GLI3: variants seen among roughly 807,000 people sequenced by gnomAD.
The protein encoded by GLI3 is transcription activator GLI3.
In GLI3, 20 loss-of-function variants were observed where a neutral mutation model predicts 100.8. That is an observed-to-expected ratio of 0.20 (90% CI 0.14 to 0.29). The LOEUF is 0.29. Among genes scored for constraint, GLI3 ranks in the 10% least tolerant of loss-of-function variants. The pLI, the probability that GLI3 is intolerant of heterozygous loss-of-function variation, is 1.00. For synonymous variants in GLI3, 938 were observed against 860.5 expected (o/e 1.09, Z -1.58); for missense variants, 2,040 against 2,128.5 (o/e 0.96, Z 0.82).
At chr7:42,220,848 A>C (rs966022046) in intron 2 of GLI3, among the ~76,000 whole-genome samples, 1 of 152,252 alleles carries the variant, frequency 6.6e-6, no homozygotes, top group African/African-American at 2.4e-5. Flanking sequence ...AAAATATAAA[A>C]CAGTAAATCT....
rs556170761 is a variant in GLI3, at chr7:42,058,839, TGTGCCAAA to T, written c.474-10151_474-10144del. ...TTCCAGGAAAGACTGCAAAGAACAA[TGTGCCAAA>T]TTTGTCTCTACTCTGTACTGTAAAT... On this transcript the variant is annotated intron_variant, in intron 4 of 14. Coordinates refer to ENST00000395925, the MANE Select transcript of GLI3 (RefSeq NM_000168.6). 1.2e-4 allele frequency among the ~76,000 whole-genome samples: 19 copies of T among 152,366 alleles called. 1 individual carries two copies. Among genetic ancestry groups the T allele is most frequent in the Non-Finnish European group, 1.6e-4 (11 of 68,024 alleles).
chr7:41,987,334 A>T (rs1417532407), intron 10 of GLI3, among the ~76,000 whole-genome samples: 1 of 151,862 alleles, frequency 6.6e-6, no homozygotes, highest in Admixed American at 6.5e-5. Flanking sequence ...ACTCCCAGCT[A>T]ATTTTTGTAT....
intron 3 of GLI3, among the ~76,000 whole-genome samples, chr7:42,087,329 G>T (rs1382446439): frequency 1.3e-5 from 2 of 152,240 alleles, no homozygotes; most frequent in East Asian, 3.9e-4. Flanking sequence ...AGTGAGCCCA[G>T]GGCCAAGGCC....
chr7:42,255,547 A>G (rs969040611), intron 1 of GLI3, among the ~76,000 whole-genome samples: 2 of 152,156 alleles, frequency 1.3e-5, no homozygotes, highest in Admixed American at 6.5e-5. Context: ...TTTTAGGGAC[A>G]TTTCATATAC....
At chr7:42,156,464 C>T (rs918337519) in intron 2 of GLI3, among the ~76,000 whole-genome samples, 2 of 152,116 alleles carry the variant, frequency 1.3e-5, no homozygotes, top group African/African-American at 2.4e-5. Context: ...TTTAGGTATT[C>T]GAGATTTCTT....
intron 2 of GLI3, among the ~76,000 whole-genome samples, chr7:42,206,957 C>T (rs1328333722): frequency 2.0e-5 from 3 of 152,184 alleles, no homozygotes; most frequent in Non-Finnish European, 2.9e-5. Context: ...TAAAAAGATA[C>T]TTGAGTCCCT....
chr7:42,129,592 C>T (rs576250301), intron 3 of GLI3, among the ~76,000 whole-genome samples: 1 of 152,152 alleles, frequency 6.6e-6, no homozygotes, highest in African/African-American at 2.4e-5. Flanking sequence ...GGGGGGATCA[C>T]GAGGTCAGGA....
intron 1 of GLI3, among the ~76,000 whole-genome samples, chr7:42,262,777 A>G (rs1445449200): frequency 2.6e-5 from 4 of 152,186 alleles, no homozygotes; most frequent in Non-Finnish European, 1.5e-5. Flanking sequence ...AGAATTTTGA[A>G]GATACTTTCC....
chr7:41,987,590 T>C (rs1397353860), intron 10 of GLI3, among the ~76,000 whole-genome samples: 1 of 152,180 alleles, frequency 6.6e-6, no homozygotes, highest in African/African-American at 2.4e-5. Context: ...GTCCAAGTTG[T>C]AGAGATGAGT....
chr7:42,045,740 G>A (rs1365857877), intron 5 of GLI3, among the ~76,000 whole-genome samples: 1 of 152,122 alleles, frequency 6.6e-6, no homozygotes, highest in Non-Finnish European at 1.5e-5. Context: ...ATAGAAAAAA[G>A]TGAAATGCAT....
chr7:42,002,955 G>T (rs1281296354), intron 10 of GLI3, among the ~76,000 whole-genome samples: 2 of 152,164 alleles, frequency 1.3e-5, no homozygotes, highest in Non-Finnish European at 2.9e-5. Flanking sequence ...CATGTAACAC[G>T]TGGTGACAAA....
At chr7:42,039,967 A>G in intron 7 of GLI3, 71 bp downstream of exon 7, 2 of 1,145,454 alleles carry the variant, frequency 1.7e-6, no homozygotes, top group South Asian at 2.5e-5. Context: ...CTGAAAATGC[A>G]TCACTACAGG....
rs529090156 is a variant in GLI3 at position 42,166,954 on chromosome 7, T to C, written c.125-18486A>G. ...AATTCTCCCACCTCAGCCTTCCAAGTAGCTGGGATTACAGGTACATGCCAC... is the reference window on the plus strand; with the variant it reads ...AATTCTCCCACCTCAGCCTTCCAAGCAGCTGGGATTACAGGTACATGCCAC... On this transcript the variant is annotated intron_variant, in intron 2 of 14. Coordinates refer to ENST00000395925, the MANE Select transcript of GLI3 (RefSeq NM_000168.6). Among the ~76,000 whole-genome samples the C allele has an allele frequency of 2.0e-5, 3 of 152,122 alleles. No individual in the cohort carries two copies. In the South Asian group the frequency reaches 6.2e-4, roughly 32 times the overall value.
rs759398617 is a variant in GLI3 at position 42,223,242 on chromosome 7, C to G, written c.12G>C (p.Gln4His). 1 of 1,613,426 alleles carries G rather than the reference C, an allele frequency of 6.2e-7. No homozygotes were observed. Among genetic ancestry groups the G allele is most frequent in the South Asian group, 1.1e-5 (1 of 91,070 alleles). ...TTTCAGTGGTCGTGGAGCTGTGGGA[C>G]TGGGCCTCCATGATGTCTTCTCATT... is the stretch of plus-strand genomic sequence containing the variant. MEA[Q>H]SHSSTTTEKK... Residue 4 changes from glutamine (Q) to histidine (H), a missense_variant, in exon 2 of 15, where the codon CAG becomes CAC. Gln to His is a conservative substitution (Grantham distance 24). Around this residue, in one of 5 missense-constraint regions of GLI3, gnomAD observed 603 missense variants for 690.9 expected, o/e 0.87. Coordinates refer to ENST00000395925, the MANE Select transcript of GLI3 (RefSeq NM_000168.6).
chr7:42,182,692 G>GCA (rs1787638470), intron 2 of GLI3, among the ~76,000 whole-genome samples: 1 of 93,246 alleles, frequency 1.1e-5, no homozygotes, highest in Non-Finnish European at 2.0e-5. Flanking sequence ...ACACATGTGT[G>GCA]TATATATATA....
chr7:42,140,380 T>C (rs1008479027), intron 3 of GLI3, among the ~76,000 whole-genome samples: 1 of 152,024 alleles, frequency 6.6e-6, no homozygotes, highest in African/African-American at 2.4e-5. Context: ...CAAAAATAAA[T>C]AGCTAAAGGA....
At chr7:42,172,027 T>C (rs1284358361) in intron 2 of GLI3, among the ~76,000 whole-genome samples, 1 of 152,098 alleles carries the variant, frequency 6.6e-6, no homozygotes, top group Non-Finnish European at 1.5e-5. Flanking sequence ...CTCTCATGCA[T>C]GAGATCTCAG....
In GLI3 at chr7:41,965,367, C is replaced by G; in HGVS notation, c.3706G>C (p.Gly1236Arg). 6.2e-7 allele frequency: 1 copy of G among 1,613,230 alleles called. No homozygotes were observed. The highest frequency in any genetic ancestry group is 8.5e-7 in the Non-Finnish European group (1 of 1,179,678). The change falls in exon 15 of 15, where the codon GGA (glycine) becomes CGA (arginine). Residue 1236 changes from glycine (G) to arginine (R), a missense_variant. Physicochemically the swap from Gly to Arg is moderately radical, Grantham distance 125. Around this residue, in one of 5 missense-constraint regions of GLI3, gnomAD observed 1,041 missense variants for 924.0 expected, o/e 1.13. Transcript: ENST00000395925. ...PEHLMLHNSP[G>R]SGTSGNAFHE... ...AAGGCGTTTCCACTGGTGCCACTTC[C>G]GGGGCTGTTGTGGAGCATCAAGTGC...
chr7:42,158,751 A>G (rs908125572), intron 2 of GLI3, among the ~76,000 whole-genome samples: 1 of 152,128 alleles, frequency 6.6e-6, no homozygotes, highest in African/African-American at 2.4e-5. Flanking sequence ...TCGGCCTCCC[A>G]AAGTGTGGAA....
Sources: gnomAD v4.1 joint callset for allele counts (sites outside exome capture counted in the v4.1 genomes callset) on GRCh38, gnomAD v4.1.1 for gene constraint, gnomAD v4.1.1 regional missense constraint, MANE v1.5 for transcripts, NCBI Gene and HGNC (gene_info 2026-07-23, HGNC 2026-07-21) for gene names.